Variants in TBC1D22A observed in about 807,000 individuals in gnomAD.
The protein encoded by TBC1D22A is TBC1 domain family member 22A.
In TBC1D22A, 38 loss-of-function variants were observed where a neutral mutation model predicts 60.2. The observed-to-expected ratio is 0.63, with a 90% CI of 0.49 to 0.83. The LOEUF (loss-of-function observed/expected upper bound fraction) is 0.83, where lower values mean the gene tolerates loss of function less well. TBC1D22A is among the 40% of genes least tolerant of loss of function. The probability of loss-of-function intolerance (pLI) is 0.00; values close to 1 mark genes in which losing one functional copy is unlikely to be tolerated. For synonymous variants in TBC1D22A, 302 were observed against 281.7 expected (o/e 1.07, Z -0.72); for missense variants, 628 against 701.0 (o/e 0.90, Z 1.18).
At chr22:46,885,915 T>TTG (rs1043093698) in intron 5 of TBC1D22A, among the ~76,000 whole-genome samples, 1 of 151,244 alleles carries the variant, frequency 6.6e-6, no homozygotes, top group Non-Finnish European at 1.5e-5. Flanking sequence ...AGAATTTTTT[T>TTG]TTTTTTTTTT....
chr22:46,837,096 C>T (rs1008817866), intron 4 of TBC1D22A, among the ~76,000 whole-genome samples: 3 of 151,954 alleles, frequency 2.0e-5, no homozygotes, highest in Non-Finnish European at 4.4e-5. Flanking sequence ...CTGGGTTCCA[C>T]CCTGGGGGAC....
intron 12 of TBC1D22A, among the ~76,000 whole-genome samples, chr22:47,124,676 G>T (rs1182037906): frequency 6.6e-6 from 1 of 152,226 alleles, no homozygotes; most frequent in Admixed American, 6.5e-5. Flanking sequence ...CCCAGAGGCA[G>T]GGCTTGGGGA....
chr22:46,990,839 C>T lies in TBC1D22A; in HGVS notation c.1126-6795C>T, dbSNP rs758049125. On this transcript the variant is annotated intron_variant, in intron 9 of 12. Coordinates refer to ENST00000337137, the MANE Select transcript of TBC1D22A (RefSeq NM_014346.5). This position sits in a 1 kb window ranked among gnomAD's most constrained non-coding sequence, Gnocchi z 4.6. The stretch of plus-strand genomic sequence containing the variant: ...CGGCGTTCGTGACGGCTCTGCTCCT[C>T]GCCGTGTGCGTCTGGAAGTGACCAT... Among the ~76,000 whole-genome samples, 6 of 152,208 alleles carry T rather than the reference C, an allele frequency of 3.9e-5. No homozygotes were observed. The highest frequency in any genetic ancestry group is 2.1e-4 in the South Asian group (1 of 4,834).
At chr22:47,004,046 C>G (rs969733485) in intron 10 of TBC1D22A, among the ~76,000 whole-genome samples, 3 of 149,672 alleles carry the variant, frequency 2.0e-5, no homozygotes, top group African/African-American at 7.4e-5. Flanking sequence ...CAGATGCACC[C>G]CTATATACAC....
chr22:46,896,007 G>A (rs1447836815), intron 7 of TBC1D22A, among the ~76,000 whole-genome samples: 5 of 152,078 alleles, frequency 3.3e-5, no homozygotes, highest in Non-Finnish European at 7.4e-5. Flanking sequence ...TGTTCCCTCC[G>A]CACGCCGCAC....
intron 1 of TBC1D22A, among the ~76,000 whole-genome samples, chr22:46,776,420 A>G (rs562896147): frequency 1.2e-4 from 18 of 151,836 alleles, no homozygotes; most frequent in African/African-American, 4.1e-4. Context: ...GTATGGATGG[A>G]AGGAGTGGGC....
At chr22:46,971,824 G>A (rs1008440980) in intron 8 of TBC1D22A, among the ~76,000 whole-genome samples, 4 of 152,256 alleles carry the variant, frequency 2.6e-5, no homozygotes, top group African/African-American at 9.6e-5. Context: ...GGGAGTCCCT[G>A]TGGGGGCTTC....
intron 1 of TBC1D22A, among the ~76,000 whole-genome samples, chr22:46,779,511 G>A (rs578102503): frequency 1.2e-4 from 18 of 152,162 alleles, no homozygotes; most frequent in Non-Finnish European, 1.9e-4. Context: ...TGCCCGCCTC[G>A]GCCTCCCAAA....
intron 11 of TBC1D22A, among the ~76,000 whole-genome samples, chr22:47,075,102 A>C (rs1196057442): frequency 6.6e-6 from 1 of 152,116 alleles, no homozygotes; most frequent in Non-Finnish European, 1.5e-5. Flanking sequence ...GGGCGCCTGT[A>C]GTCCCAGCTG....
At chr22:47,170,415 T>C (rs1313281984) in intron 12 of TBC1D22A, among the ~76,000 whole-genome samples, 1 of 152,206 alleles carries the variant, frequency 6.6e-6, no homozygotes, top group African/African-American at 2.4e-5. Flanking sequence ...TTGGCATCCA[T>C]GTAAGTTGCA....
rs1274445611 is a variant in TBC1D22A, at chr22:46,815,450, TCA to T, written c.637+17831_637+17832del. Among the ~76,000 whole-genome samples the T allele has an allele frequency of 2.6e-5, 4 of 152,386 alleles. No homozygotes were observed. The East Asian group carries it at 7.7e-4, about 29-fold the overall frequency. On this transcript the variant is annotated intron_variant, in intron 4 of 12. Transcript: ENST00000337137. Reference sequence around the variant, plus strand: ...TTTGGACCTTTGGATGTTTTCTCGCTCAGAGTACGCAATCCTACTTCCCCTGT... The same window carrying T: ...TTTGGACCTTTGGATGTTTTCTCGCTGAGTACGCAATCCTACTTCCCCTGT...
intron 8 of TBC1D22A, chr22:46,914,892 G>A (rs1006267438): frequency 1.9e-5 from 3 of 158,244 alleles, no homozygotes; most frequent in Admixed American, 1.8e-4. Flanking sequence ...TCAAGAGGAA[G>A]CCTGGGCTGC....
intron 11 of TBC1D22A, among the ~76,000 whole-genome samples, chr22:47,051,717 C>G (rs888129779): frequency 1.4e-4 from 21 of 152,206 alleles, no homozygotes; most frequent in Non-Finnish European, 7.3e-5. Flanking sequence ...CCGGCACCTC[C>G]CTGCAGCCCC....
At position 46,762,853 on chromosome 22, in the gene TBC1D22A, G is replaced by T; in HGVS notation, c.62+5G>T. 1 of 1,469,682 alleles carries T rather than the reference G, an allele frequency of 6.8e-7. No homozygotes were observed. The highest frequency in any genetic ancestry group is 9.0e-7 in the Non-Finnish European group (1 of 1,116,554). The allele number at this position is 1,469,682 out of a possible 1,614,324, so 91.0% of individuals were successfully genotyped here. On this transcript the variant is annotated splice_donor_5th_base_variant and intron_variant, in intron 1 of 12. Coordinates refer to ENST00000337137, the MANE Select transcript of TBC1D22A (RefSeq NM_014346.5). Reference sequence around the variant, plus strand: ...CAACAGCAAGCTCCCGGGCAGGTGGGTGTGCCGCGGAGGGCCAGGTCGGGG... The same window carrying T: ...CAACAGCAAGCTCCCGGGCAGGTGGTTGTGCCGCGGAGGGCCAGGTCGGGG...
chr22:47,102,863 C>T (rs1450127690), intron 11 of TBC1D22A, among the ~76,000 whole-genome samples: 1 of 152,176 alleles, frequency 6.6e-6, no homozygotes, highest in Non-Finnish European at 1.5e-5. Context: ...GAGAACCCAT[C>T]ATTCTGGAAC....
intron 1 of TBC1D22A, among the ~76,000 whole-genome samples, chr22:46,787,525 G>T (rs762694181): frequency 6.6e-5 from 10 of 152,138 alleles, no homozygotes; most frequent in Non-Finnish European, 1.3e-4. Flanking sequence ...CTTTCATACA[G>T]TGAAACCCCA....
intron 7 of TBC1D22A, among the ~76,000 whole-genome samples, chr22:46,909,206 T>TGC (rs2069712037): frequency 6.6e-6 from 1 of 151,928 alleles, no homozygotes. Context: ...TGTGTGTGTG[T>TGC]GCGTGCATGT....
intron 8 of TBC1D22A, among the ~76,000 whole-genome samples, chr22:46,934,556 C>T (rs1383362347): frequency 6.6e-6 from 1 of 152,224 alleles, no homozygotes; most frequent in Non-Finnish European, 1.5e-5. Flanking sequence ...CTATACTACT[C>T]TTGGGGAAGA....
At chr22:47,071,731 A>G (rs2063999296) in intron 11 of TBC1D22A, among the ~76,000 whole-genome samples, 2 of 152,236 alleles carry the variant, frequency 1.3e-5, no homozygotes, top group Admixed American at 1.3e-4. Flanking sequence ...GGTTCTGGGA[A>G]AGAGGAAAAG....
Sources: gnomAD v4.1 joint callset for allele counts (sites outside exome capture counted in the v4.1 genomes callset) on GRCh38, gnomAD v4.1.1 for gene constraint, Gnocchi (gnomAD v3.1) non-coding constraint, MANE v1.5 for transcripts, NCBI Gene and HGNC (gene_info 2026-07-23, HGNC 2026-07-21) for gene names.